The following LSAMP variants were observed in gnomAD, a reference collection of about 807,000 sequenced individuals.
The protein encoded by LSAMP is limbic system-associated membrane protein.
LSAMP carries 7 observed loss-of-function variants against 38.6 expected under a neutral mutation model. That is an observed-to-expected ratio of 0.18 (90% CI 0.10 to 0.34). The LOEUF (loss-of-function observed/expected upper bound fraction) is 0.34, where lower values mean the gene tolerates loss of function less well. Ranked by LOEUF, LSAMP falls within the 10% of genes least tolerant of loss-of-function variation. The probability of loss-of-function intolerance (pLI) is 1.00; values close to 1 mark genes in which losing one functional copy is unlikely to be tolerated. For missense variants in LSAMP, 313 were observed against 420.0 expected, an observed-to-expected ratio of 0.75 and a Z score of 2.23; for synonymous variants, 154 against 166.8, an observed-to-expected ratio of 0.92 and a Z score of 0.59.
At chr3:116,174,796 T>C (rs1710296070) in intron 1 of LSAMP, among the ~76,000 whole-genome samples, 2 of 152,082 alleles carry the variant, frequency 1.3e-5, no homozygotes, top group African/African-American at 4.8e-5. Context: ...TACCACATCA[T>C]ATACAAACTC....
intron 3 of LSAMP, among the ~76,000 whole-genome samples, chr3:115,933,184 C>G (rs16824290): frequency 2.0e-5 from 3 of 151,988 alleles, no homozygotes; most frequent in Admixed American, 2.0e-4. Flanking sequence ...CATTGGGAGC[C>G]CATTGAAGGT....
chr3:115,828,747 AT>A (rs945982070), intron 6 of LSAMP, among the ~76,000 whole-genome samples: 16 of 152,014 alleles, frequency 1.1e-4, no homozygotes, highest in African/African-American at 2.9e-4. Flanking sequence ...TACTTTGAAA[AT>A]TTTTTTTTCT....
At chr3:115,925,673 C>G (rs1283865401) in intron 3 of LSAMP, among the ~76,000 whole-genome samples, 2 of 152,116 alleles carry the variant, frequency 1.3e-5, no homozygotes, top group Non-Finnish European at 2.9e-5. Flanking sequence ...TTTGAAAGTT[C>G]TTTGAATTAA....
intron 1 of LSAMP, among the ~76,000 whole-genome samples, chr3:116,402,764 A>G (rs74645493): frequency 0.05 from 7,548 of 151,666 alleles, 255 homozygotes; most frequent in Non-Finnish European, 0.077. Context: ...ACAAAATACT[A>G]GATGCAATAA....
At chr3:116,157,291 G>T (rs1322652132) in intron 1 of LSAMP, among the ~76,000 whole-genome samples, 1 of 152,194 alleles carries the variant, frequency 6.6e-6, no homozygotes, top group African/African-American at 2.4e-5. Context: ...TATAGGGATA[G>T]TAATACTAAA....
intron 4 of LSAMP, among the ~76,000 whole-genome samples, chr3:115,842,872 G>A (rs2107506060): frequency 6.6e-6 from 1 of 152,276 alleles, no homozygotes; most frequent in South Asian, 2.1e-4. Flanking sequence ...GTAGGTCATG[G>A]TATTACAATT....
chr3:116,036,707 T>A (rs1941054848), intron 2 of LSAMP, among the ~76,000 whole-genome samples: 1 of 141,618 alleles, frequency 7.1e-6, no homozygotes, highest in Admixed American at 6.9e-5. Flanking sequence ...ACAAAGATAA[T>A]ATAAGAGTAT....
At chr3:115,973,474 T>C (rs933043968) in intron 3 of LSAMP, among the ~76,000 whole-genome samples, 1 of 152,190 alleles carries the variant, frequency 6.6e-6, no homozygotes, top group African/African-American at 2.4e-5. Flanking sequence ...GGCTCACGCC[T>C]ATAATCCCAG....
chr3:116,178,018 A>T (rs1710392453), intron 1 of LSAMP, among the ~76,000 whole-genome samples: 4 of 152,104 alleles, frequency 2.6e-5, no homozygotes, highest in Admixed American at 2.0e-4. Context: ...TAAATGATGA[A>T]ATGAGAAAAC....
At chr3:116,278,257 T>G (rs1434890437) in intron 1 of LSAMP, among the ~76,000 whole-genome samples, 1 of 152,180 alleles carries the variant, frequency 6.6e-6, no homozygotes, top group Admixed American at 6.5e-5. Flanking sequence ...TTAAGAGCTA[T>G]TGTCACTTTG....
At chr3:115,813,652 TA>T (rs1489917611) in intron 6 of LSAMP, among the ~76,000 whole-genome samples, 1 of 152,156 alleles carries the variant, frequency 6.6e-6, no homozygotes, top group Non-Finnish European at 1.5e-5. Context: ...TAAATAGGCT[TA>T]AAAATACAAG....
chr3:115,815,122 C>T (rs1156571561), intron 6 of LSAMP, among the ~76,000 whole-genome samples: 1 of 152,056 alleles, frequency 6.6e-6, no homozygotes, highest in Admixed American at 6.6e-5. Context: ...GAGGTACATA[C>T]AGTACAATAA....
chr3:115,843,693 T>C (rs1047838181), intron 4 of LSAMP, among the ~76,000 whole-genome samples: 2 of 152,056 alleles, frequency 1.3e-5, no homozygotes, highest in Admixed American at 6.6e-5. Flanking sequence ...CTGATATTTT[T>C]TTTTTGTATT....
intron 3 of LSAMP, among the ~76,000 whole-genome samples, chr3:115,883,091 C>A (rs946730510): frequency 1.2e-4 from 18 of 152,048 alleles, no homozygotes; most frequent in African/African-American, 4.3e-4. Context: ...GGGTCAATTC[C>A]TGTTCCACTA....
chr3:116,201,407 T>C (rs2045984592), intron 1 of LSAMP, among the ~76,000 whole-genome samples: 1 of 152,190 alleles, frequency 6.6e-6, no homozygotes, highest in African/African-American at 2.4e-5. Context: ...AGTGTCTTTT[T>C]ATAAAATTAA....
At chr3:116,167,170 G>A (rs979009785) in intron 1 of LSAMP, among the ~76,000 whole-genome samples, 1 of 151,952 alleles carries the variant, frequency 6.6e-6, no homozygotes, top group African/African-American at 2.4e-5. Flanking sequence ...GCTCTTTAGT[G>A]GTGAGATGTC....
intron 1 of LSAMP, among the ~76,000 whole-genome samples, chr3:116,183,192 T>A (rs917519047): frequency 6.6e-6 from 1 of 151,836 alleles, no homozygotes; most frequent in South Asian, 2.1e-4. Context: ...ATGATCTCCT[T>A]TTTAAGGAAA....
At chr3:115,980,538 C>T (rs6777196) in intron 3 of LSAMP, among the ~76,000 whole-genome samples, 62,205 of 151,688 alleles carry the variant, frequency 0.41, 13,379 homozygotes, top group African/African-American at 0.55. Flanking sequence ...ATATTTATTT[C>T]CCCACATATT....
intron 3 of LSAMP, among the ~76,000 whole-genome samples, chr3:115,902,688 AACAG>A (rs1440911221): frequency 1.3e-5 from 2 of 152,194 alleles, no homozygotes; most frequent in Non-Finnish European, 2.9e-5. Flanking sequence ...AAAGGACATG[AACAG>A]ACACTTTTCA....
Sources: allele counts gnomAD v4.1 joint callset (sites outside exome capture counted in the v4.1 genomes callset), GRCh38; gene constraint gnomAD v4.1.1; transcripts MANE v1.5; gene names NCBI Gene and HGNC (gene_info 2026-07-23, HGNC 2026-07-21).